Variants in GALNTL6 observed in about 807,000 individuals in gnomAD.
The protein encoded by GALNTL6 is polypeptide N-acetylgalactosaminyltransferase-like 6.
GALNTL6 carries 46 observed loss-of-function variants against 73.7 expected under a neutral mutation model. The observed-to-expected ratio is 0.62, with a 90% CI of 0.49 to 0.80. GALNTL6 has a LOEUF of 0.80. Ranked by LOEUF, GALNTL6 falls within the 30% of genes least tolerant of loss-of-function variation. The probability of loss-of-function intolerance (pLI) is 0.00; values close to 1 mark genes in which losing one functional copy is unlikely to be tolerated. For missense variants in GALNTL6, 604 were observed against 755.0 expected, an observed-to-expected ratio of 0.80 and a Z score of 2.34; for synonymous variants, 259 against 263.7, an observed-to-expected ratio of 0.98 and a Z score of 0.17.
intron 3 of GALNTL6, among the ~76,000 whole-genome samples, chr4:172,288,458 A>C (rs914354735): frequency 1.4e-4 from 21 of 152,158 alleles, no homozygotes; most frequent in African/African-American, 4.8e-4. Context: ...TAGTAAACTA[A>C]TTGGTGTGTT....
At chr4:172,723,692 G>A (rs1735624885) in intron 5 of GALNTL6, among the ~76,000 whole-genome samples, 2 of 152,070 alleles carry the variant, frequency 1.3e-5, no homozygotes, top group South Asian at 4.1e-4. Flanking sequence ...TTTTTTGGCA[G>A]ATGCCAAGTA....
intron 11 of GALNTL6, among the ~76,000 whole-genome samples, chr4:173,014,278 G>C (rs1231808356): frequency 6.6e-6 from 1 of 152,198 alleles, no homozygotes; most frequent in African/African-American, 2.4e-5. Context: ...GATCAAGAAA[G>C]AAAAACAAAA....
intron 2 of GALNTL6, among the ~76,000 whole-genome samples, chr4:171,863,544 G>C (rs1321236260): frequency 2.0e-5 from 3 of 151,952 alleles, no homozygotes. Context: ...CATTCTTGGT[G>C]ATCTATTTCA....
chr4:171,890,717 A>G (rs1053826235), intron 2 of GALNTL6, among the ~76,000 whole-genome samples: 3 of 152,136 alleles, frequency 2.0e-5, no homozygotes, highest in African/African-American at 7.2e-5. Context: ...TCACCCTTGT[A>G]TGTAACATTT....
chr4:172,296,851 G>A (rs1300153753), intron 3 of GALNTL6, among the ~76,000 whole-genome samples: 1 of 152,176 alleles, frequency 6.6e-6, no homozygotes, highest in East Asian at 1.9e-4. Flanking sequence ...ACAGCAGCAT[G>A]ATTTATAATC....
At chr4:172,752,028 T>G (rs944108828) in intron 5 of GALNTL6, among the ~76,000 whole-genome samples, 192 of 134,594 alleles carry the variant, frequency 1.4e-3, no homozygotes, top group African/African-American at 5.0e-3. Flanking sequence ...TGTTAAGTAA[T>G]CCATATCAAC....
intron 5 of GALNTL6, among the ~76,000 whole-genome samples, chr4:172,354,994 A>G (rs958313061): frequency 6.6e-6 from 1 of 152,028 alleles, no homozygotes. Flanking sequence ...GCTTACTACT[A>G]CAATACTTTA....
intron 3 of GALNTL6, among the ~76,000 whole-genome samples, chr4:172,300,463 C>T (rs761463414): frequency 2.8e-4 from 43 of 152,226 alleles, no homozygotes; most frequent in Non-Finnish European, 4.7e-4. Flanking sequence ...TTCTTCCTAC[C>T]ATTGATGGTC....
intron 2 of GALNTL6, among the ~76,000 whole-genome samples, chr4:172,109,686 A>G (rs1194953977): frequency 1.3e-5 from 2 of 152,228 alleles, no homozygotes; most frequent in East Asian, 3.9e-4. Flanking sequence ...AACAATTTAA[A>G]TGGCTGTAAA....
chr4:172,868,422 T>C (rs553150948), intron 7 of GALNTL6, among the ~76,000 whole-genome samples: 2 of 152,274 alleles, frequency 1.3e-5, no homozygotes, highest in African/African-American at 4.8e-5. Flanking sequence ...ATACACGATA[T>C]AAAAATCTCC....
intron 5 of GALNTL6, among the ~76,000 whole-genome samples, chr4:172,381,655 C>T (rs1415747957): frequency 6.6e-6 from 1 of 152,104 alleles, no homozygotes; most frequent in Non-Finnish European, 1.5e-5. Context: ...GGATATATCA[C>T]ATCTGTGTTT....
At chr4:172,485,942 G>T (rs531333930) in intron 5 of GALNTL6, among the ~76,000 whole-genome samples, 156 of 152,222 alleles carry the variant, frequency 1.0e-3, no homozygotes, top group Non-Finnish European at 2.0e-3. Context: ...CTATCTCAGA[G>T]CATGTAAACC....
chr4:172,646,581 G>A (rs1740252905), intron 5 of GALNTL6, among the ~76,000 whole-genome samples: 1 of 151,816 alleles, frequency 6.6e-6, no homozygotes, highest in African/African-American at 2.4e-5. Flanking sequence ...TACATAGTCT[G>A]TATATTTACT....
intron 2 of GALNTL6, among the ~76,000 whole-genome samples, chr4:171,988,352 T>A (rs370476780): frequency 2.6e-5 from 4 of 152,160 alleles, no homozygotes; most frequent in East Asian, 1.9e-4. Flanking sequence ...CAGATGTGGA[T>A]GAAATTTGGG....
chr4:172,343,497 A>T (rs1741639867), intron 4 of GALNTL6, among the ~76,000 whole-genome samples: 1 of 152,168 alleles, frequency 6.6e-6, no homozygotes, highest in Admixed American at 6.5e-5. Context: ...TGTAATTAAA[A>T]TTTATTTTGT....
At chr4:172,028,081 A>G (rs1741645941) in intron 2 of GALNTL6, among the ~76,000 whole-genome samples, 1 of 152,158 alleles carries the variant, frequency 6.6e-6, no homozygotes, top group African/African-American at 2.4e-5. Flanking sequence ...ATTCTCAATG[A>G]AGATGCAAGA....
intron 5 of GALNTL6, among the ~76,000 whole-genome samples, chr4:172,758,748 C>T (rs958983411): frequency 2.6e-5 from 4 of 152,186 alleles, no homozygotes; most frequent in African/African-American, 2.4e-5. Flanking sequence ...CTACCCAGGA[C>T]ATGAATCATC....
At chr4:172,212,575 G>C (rs1192572633) in intron 2 of GALNTL6, among the ~76,000 whole-genome samples, 1 of 152,158 alleles carries the variant, frequency 6.6e-6, no homozygotes, top group East Asian at 1.9e-4. Context: ...ATATGGAATA[G>C]TTTCATCACC....
intron 4 of GALNTL6, among the ~76,000 whole-genome samples, chr4:172,321,816 ATG>A (rs1740765892): frequency 6.6e-6 from 1 of 152,136 alleles, no homozygotes; most frequent in Non-Finnish European, 1.5e-5. Context: ...GGCAACCATC[ATG>A]TGATGGTCAG....
Sources: allele counts gnomAD v4.1 joint callset (sites outside exome capture counted in the v4.1 genomes callset), GRCh38; gene constraint gnomAD v4.1.1; transcripts MANE v1.5; gene names NCBI Gene and HGNC (gene_info 2026-07-23, HGNC 2026-07-21).